The following ADCY9 variants were observed in gnomAD, a reference collection of about 807,000 sequenced individuals.
The protein encoded by ADCY9 is adenylate cyclase type 9.
A neutral mutation model predicts 101.5 loss-of-function variants in ADCY9; 50 were observed. The observed-to-expected ratio is 0.49, with a 90% confidence interval of 0.39 to 0.62. The LOEUF (loss-of-function observed/expected upper bound fraction) is 0.62, where lower values mean the gene tolerates loss of function less well. ADCY9 is among the 20% of genes least tolerant of loss of function. The probability of loss-of-function intolerance (pLI) is 0.00; values close to 1 mark genes in which losing one functional copy is unlikely to be tolerated. For missense variants in ADCY9, 1,662 were observed against 1,800.4 expected (o/e 0.92, Z 1.39); for synonymous variants, 905 against 769.3 (o/e 1.18, Z -2.92).
intron 7 of ADCY9, among the ~76,000 whole-genome samples, chr16:3,980,958 G>A (rs1237902886): frequency 2.0e-5 from 3 of 152,202 alleles, no homozygotes; most frequent in Non-Finnish European, 4.4e-5. Flanking sequence ...AACGGGCGGG[G>A]CCTGGGCCAG....
chr16:4,058,172 A>T (rs2056752894), intron 2 of ADCY9, among the ~76,000 whole-genome samples: 1 of 134,768 alleles, frequency 7.4e-6, no homozygotes, highest in Non-Finnish European at 1.6e-5. Flanking sequence ...AAAAAAAAAA[A>T]GAGAGTTGAG....
chr16:3,956,523 C>G (rs1456991508), intron 5 of ADCY9, among the ~76,000 whole-genome samples: 1 of 52,890 alleles, frequency 1.9e-5, no homozygotes, highest in Non-Finnish European at 3.8e-5. Context: ...TGGAGTCTCC[C>G]TCTGTCTCCC....
intron 2 of ADCY9, among the ~76,000 whole-genome samples, chr16:4,079,034 A>T (rs548284997): frequency 1.3e-5 from 2 of 152,324 alleles, no homozygotes; most frequent in East Asian, 3.9e-4. Flanking sequence ...ATGATGTTTC[A>T]TTACTTTTTG....
intron 6 of ADCY9, among the ~76,000 whole-genome samples, chr16:3,987,187 C>G (rs1005603318): frequency 3.9e-5 from 6 of 152,366 alleles, no homozygotes; most frequent in Middle Eastern, 3.4e-3. Context: ...GGGCTTGGTG[C>G]CTCGCCGTGT....
chr16:4,010,408 G>A (rs1455500540), intron 2 of ADCY9, among the ~76,000 whole-genome samples: 3 of 152,258 alleles, frequency 2.0e-5, no homozygotes, highest in Admixed American at 6.5e-5. Flanking sequence ...CGGGGAGCAC[G>A]GAGTGGCAGC....
chr16:4,039,769 G>A (rs1357710287), intron 2 of ADCY9, among the ~76,000 whole-genome samples: 1 of 146,010 alleles, frequency 6.8e-6, no homozygotes, highest in Admixed American at 6.8e-5. Flanking sequence ...TCAGGTGCAG[G>A]GACTCACGCC....
chr16:4,024,909 T>C (rs1056773431), intron 2 of ADCY9, among the ~76,000 whole-genome samples: 1 of 152,074 alleles, frequency 6.6e-6, no homozygotes, highest in Non-Finnish European at 1.5e-5. Flanking sequence ...GAGGTGGCCA[T>C]ACCATGAAAT....
chr16:4,018,414 T>C (rs2056452712), intron 2 of ADCY9, among the ~76,000 whole-genome samples: 1 of 152,154 alleles, frequency 6.6e-6, no homozygotes, highest in Non-Finnish European at 1.5e-5. Flanking sequence ...GGTTTCACCA[T>C]GTTGGCCAGG....
At position 3,965,965 on chromosome 16, in the gene ADCY9, G is replaced by A; in HGVS notation, c.3872C>T (p.Thr1291Ile). 6.2e-7 allele frequency: 1 copy of A among 1,614,196 alleles called. No homozygotes were observed. The highest frequency in any genetic ancestry group is 8.5e-7 in the Non-Finnish European group (1 of 1,180,040). ...LVPSVQYVDK[T>I]SLGSDSSTQA... Reference sequence around the variant, plus strand: ...CGTGCTGCTGTCAGAACCCAGAGATGTCTTGTCCACATACTGGACAGAAGG... The same window carrying A: ...CGTGCTGCTGTCAGAACCCAGAGATATCTTGTCCACATACTGGACAGAAGG... Residue 1291 changes from threonine to isoleucine, a missense_variant, in exon 11 of 11, where the codon ACA (threonine) becomes ATA (isoleucine). Coordinates refer to ENST00000294016, the MANE Select transcript of ADCY9 (RefSeq NM_001116.4).
At chr16:3,962,557 C>T (rs773012348), downstream of ADCY9, 10 of 152,140 alleles carry the variant, frequency 6.6e-5, no homozygotes, top group Admixed American at 6.6e-4. Flanking sequence ...CCAGGTGAGC[C>T]ACAGATCGCA....
At chr16:4,082,174 A>C (rs935388995) in intron 2 of ADCY9, among the ~76,000 whole-genome samples, 1 of 152,028 alleles carries the variant, frequency 6.6e-6, no homozygotes, top group Non-Finnish European at 1.5e-5. Context: ...CCAGGAGTTA[A>C]AGACCAGCCT....
chr16:4,100,401 C>T (rs1030507891), intron 2 of ADCY9, among the ~76,000 whole-genome samples: 1 of 152,116 alleles, frequency 6.6e-6, no homozygotes, highest in African/African-American at 2.4e-5. Flanking sequence ...GCGATCTGGG[C>T]TCACTGCAAC....
chr16:4,098,187 G>C (rs1182570590), intron 2 of ADCY9, among the ~76,000 whole-genome samples: 1 of 151,964 alleles, frequency 6.6e-6, no homozygotes, highest in Non-Finnish European at 1.5e-5. Context: ...TCCTCAGTCT[G>C]CAAACATGTC....
At chr16:4,109,330 A>C (rs908575988) in intron 2 of ADCY9, among the ~76,000 whole-genome samples, 1 of 152,172 alleles carries the variant, frequency 6.6e-6, no homozygotes, top group Non-Finnish European at 1.5e-5. Context: ...CGTGGGCTCC[A>C]GCGATCCTCC....
intron 2 of ADCY9, among the ~76,000 whole-genome samples, chr16:4,031,644 G>T (rs1053208535): frequency 1.3e-5 from 2 of 152,152 alleles, no homozygotes; most frequent in African/African-American, 4.8e-5. Flanking sequence ...AGCACTTTGG[G>T]AGGCCGAGGC....
chr16:4,014,138 G>C (rs1004017033), intron 2 of ADCY9, among the ~76,000 whole-genome samples: 1 of 152,036 alleles, frequency 6.6e-6, no homozygotes, highest in Non-Finnish European at 1.5e-5. Flanking sequence ...GGCCAACATG[G>C]CGAAATCCCG....
Position 3,977,516 on chromosome 16 carries a change from G to C in ADCY9, c.2794C>G (p.Leu932Val). 3 of 1,583,248 alleles carry C rather than the reference G, an allele frequency of 1.9e-6. No individual in the cohort carries two copies. The highest frequency in any genetic ancestry group is 2.6e-6 in the Non-Finnish European group (3 of 1,164,820). The change falls in exon 9 of 11, where the codon CTG becomes GTG. Residue 932 changes from leucine to valine, a missense_variant. Physicochemically the swap from Leu to Val is conservative, Grantham distance 32 (BLOSUM62 1). Coordinates refer to ENST00000294016, the MANE Select transcript of ADCY9 (RefSeq NM_001116.4). Reference protein sequence around the residue: ...SLATVVGAGPLLLLYVSLCPD... With the variant: ...SLATVVGAGPVLLLYVSLCPD... ...CACAGGGAGACGTAGAGCAGGAGCA[G>C]CGGCCCGGCCCCCACGACGGTGGCG...
intron 3 of ADCY9, among the ~76,000 whole-genome samples, chr16:4,003,399 C>T (rs1597158085): frequency 1.3e-5 from 2 of 152,228 alleles, no homozygotes; most frequent in African/African-American, 4.8e-5. Context: ...GGAGTGAAGG[C>T]GTGCGTGCCG....
At chr16:4,064,647 AATTT>A (rs952418438) in intron 2 of ADCY9, among the ~76,000 whole-genome samples, 13 of 151,346 alleles carry the variant, frequency 8.6e-5, no homozygotes, top group African/African-American at 2.7e-4. Context: ...TAATTTTTTT[AATTT>A]ATTTGTTTAT....
Sources: gnomAD v4.1 joint callset for allele counts (sites outside exome capture counted in the v4.1 genomes callset) on GRCh38, gnomAD v4.1.1 for gene constraint, MANE v1.5 for transcripts, NCBI Gene and HGNC (gene_info 2026-07-23, HGNC 2026-07-21) for gene names.